The following RORA variants were observed in gnomAD, a reference collection of about 807,000 sequenced individuals.
RORA encodes RAR related orphan receptor A.
RORA carries 7 observed loss-of-function variants against 69.5 expected under a neutral mutation model. That is an observed-to-expected ratio of 0.10 (90% CI 0.06 to 0.19). RORA has a LOEUF of 0.19. RORA is among the 10% of genes least tolerant of loss of function. The probability of loss-of-function intolerance (pLI) is 1.00; values close to 1 mark genes in which losing one functional copy is unlikely to be tolerated. For synonymous variants in RORA, 261 were observed against 240.8 expected, an observed-to-expected ratio of 1.08 and a Z score of -0.78; for missense variants, 457 against 663.0, an observed-to-expected ratio of 0.69 and a Z score of 3.41.
At chr15:60,824,830 A>G (rs1171853043) in intron 1 of RORA, among the ~76,000 whole-genome samples, 2 of 152,252 alleles carry the variant, frequency 1.3e-5, no homozygotes, top group East Asian at 1.9e-4. Context: ...TTACTTATCC[A>G]AAAGACCACC....
chr15:60,782,660 A>C (rs1437194439), intron 1 of RORA, among the ~76,000 whole-genome samples: 7 of 152,204 alleles, frequency 4.6e-5, no homozygotes, highest in African/African-American at 1.4e-4. Context: ...ATGAGAAGCA[A>C]AGTTTCCCGA....
At chr15:60,667,939 AT>A (rs199885455) in intron 2 of RORA, among the ~76,000 whole-genome samples, 23 of 147,176 alleles carry the variant, frequency 1.6e-4, no homozygotes, top group African/African-American at 2.5e-4. Context: ...GTATGATTCT[AT>A]TTTTTTTTTT....
At chr15:60,965,342 T>A (rs1893525603) in intron 1 of RORA, among the ~76,000 whole-genome samples, 1 of 152,126 alleles carries the variant, frequency 6.6e-6, no homozygotes, top group African/African-American at 2.4e-5. Context: ...CACCCTCTTC[T>A]CAGTCCTGTT....
intron 3 of RORA, among the ~76,000 whole-genome samples, chr15:60,527,687 G>A (rs1269020057): frequency 2.6e-5 from 4 of 152,204 alleles, no homozygotes; most frequent in Admixed American, 6.5e-5. Context: ...ATTGTTCCCT[G>A]ATTCTTTCAA....
intron 1 of RORA, among the ~76,000 whole-genome samples, chr15:60,965,654 G>A (rs1893535007): frequency 6.6e-6 from 1 of 152,184 alleles, no homozygotes; most frequent in Admixed American, 6.5e-5. Context: ...GAGGGCAGAA[G>A]CCTCTTTCAC....
At position 60,845,025 on chromosome 15, in the gene RORA, G is replaced by A. The variant is rs1350244589; in HGVS notation, c.167-166339C>T. ...GTTTCAAAGTGAAGACTTTGTGGGT[G>A]CCAGTGTGTGAGTGTGTGTGTGTGT... On this transcript the variant is annotated intron_variant, in intron 1 of 10. Transcript: ENST00000335670. Among the ~76,000 whole-genome samples, 5 of 123,498 alleles carry A rather than the reference G, an allele frequency of 4.0e-5. 1 individual carries two copies. The highest frequency in any genetic ancestry group is 2.7e-4 in the Admixed American group (3 of 11,280). The allele number at this position is 123,498 out of a possible 152,430, so 81.0% of individuals were successfully genotyped here.
At chr15:60,884,886 G>C (rs540763216) in intron 1 of RORA, among the ~76,000 whole-genome samples, 1 of 152,156 alleles carries the variant, frequency 6.6e-6, no homozygotes, top group Non-Finnish European at 1.5e-5. Flanking sequence ...AGGTTTTAGG[G>C]ACATAGAGCA....
At chr15:61,089,802 G>C (rs1410572114) in intron 1 of RORA, among the ~76,000 whole-genome samples, 1 of 152,142 alleles carries the variant, frequency 6.6e-6, no homozygotes, top group African/African-American at 2.4e-5. Flanking sequence ...GTAGCCCACC[G>C]AGCAGTGACA....
At chr15:60,759,601 G>A (rs2071854629) in intron 1 of RORA, among the ~76,000 whole-genome samples, 1 of 152,132 alleles carries the variant, frequency 6.6e-6, no homozygotes, top group African/African-American at 2.4e-5. Context: ...CTGAAAGACT[G>A]GCCGTCTCAG....
At chr15:61,084,609 A>G (rs1361300622) in intron 1 of RORA, among the ~76,000 whole-genome samples, 1 of 152,142 alleles carries the variant, frequency 6.6e-6, no homozygotes, top group African/African-American at 2.4e-5. Context: ...TGCCAGTTTG[A>G]GTTCTCTTGG....
At chr15:60,886,112 C>A (rs75937704) in intron 1 of RORA, among the ~76,000 whole-genome samples, 2 of 152,124 alleles carry the variant, frequency 1.3e-5, no homozygotes, top group Non-Finnish European at 2.9e-5. Flanking sequence ...TATCTGGTAT[C>A]CAAAAAGTCC....
At chr15:61,171,363 A>G (rs1409816869) in intron 1 of RORA, among the ~76,000 whole-genome samples, 1 of 152,138 alleles carries the variant, frequency 6.6e-6, no homozygotes, top group Non-Finnish European at 1.5e-5. Context: ...CATGTGTCAC[A>G]ATGACCTGGA....
At chr15:60,813,294 G>A (rs1185794658) in intron 1 of RORA, among the ~76,000 whole-genome samples, 12 of 152,208 alleles carry the variant, frequency 7.9e-5, no homozygotes, top group Non-Finnish European at 4.4e-5. Context: ...CAGGCCACTC[G>A]CTTTGTGGAG....
intron 1 of RORA, among the ~76,000 whole-genome samples, chr15:60,685,755 G>C (rs949036505): frequency 5.3e-5 from 8 of 152,128 alleles, no homozygotes; most frequent in Non-Finnish European, 1.2e-4. Context: ...TATGTGCCAG[G>C]GTTGCAGGGA....
intron 1 of RORA, among the ~76,000 whole-genome samples, chr15:61,060,229 A>G (rs1398037087): frequency 6.6e-6 from 1 of 152,206 alleles, no homozygotes; most frequent in South Asian, 2.1e-4. Context: ...CACACTTCTC[A>G]GGATCTCCAC....
intron 1 of RORA, among the ~76,000 whole-genome samples, chr15:61,040,112 T>TGA (rs750378779): frequency 0.014 from 785 of 57,578 alleles, 22 homozygotes; most frequent in Middle Eastern, 0.029. Flanking sequence ...TCACAAGCTT[T>TGA]GATATATATA....
intron 1 of RORA, among the ~76,000 whole-genome samples, chr15:61,218,313 T>C (rs919851020): frequency 1.3e-5 from 2 of 152,010 alleles, no homozygotes; most frequent in Admixed American, 6.6e-5. Context: ...TTAGGACCTG[T>C]AATATTCAAG....
chr15:60,498,254 T>C (rs2065223429), intron 10 of RORA, among the ~76,000 whole-genome samples: 1 of 152,124 alleles, frequency 6.6e-6, no homozygotes, highest in African/African-American at 2.4e-5. Context: ...TGCCTTCTGC[T>C]CTACTTCCTG....
At chr15:61,009,710 A>T (rs1006350388) in intron 1 of RORA, among the ~76,000 whole-genome samples, 2 of 152,238 alleles carry the variant, frequency 1.3e-5, no homozygotes, top group African/African-American at 4.8e-5. Flanking sequence ...GATTTCTGTA[A>T]GTAATGTCAA....
Sources: gnomAD v4.1 joint callset for allele counts (sites outside exome capture counted in the v4.1 genomes callset) on GRCh38, gnomAD v4.1.1 for gene constraint, MANE v1.5 for transcripts, NCBI Gene and HGNC (gene_info 2026-07-23, HGNC 2026-07-21) for gene names.